ZNF566: variants seen among roughly 807,000 people sequenced by gnomAD.
ZNF566 encodes the protein zinc finger protein 566.
ZNF566 carries 27 observed loss-of-function variants against 32.8 expected under a neutral mutation model. The ratio of observed to expected loss-of-function variants is 0.82; its 90% confidence interval spans 0.61 to 1.14. The LOEUF (loss-of-function observed/expected upper bound fraction) is 1.14. ZNF566 is among the 50% of genes most tolerant of loss of function. ZNF566 has a pLI of 0.00. For missense variants in ZNF566, 402 were observed against 490.4 expected (o/e 0.82, Z 1.70); for synonymous variants, 154 against 159.5 (o/e 0.97, Z 0.26).
intron 1 of ZNF566, among the ~76,000 whole-genome samples, chr19:36,482,501 G>C (rs1348183592): frequency 1.3e-5 from 2 of 150,056 alleles, no homozygotes; most frequent in Non-Finnish European, 3.0e-5. Context: ...TAAGAAAAAT[G>C]TAAGAAAAAA....
At chr19:36,463,297 C>T (rs1205864345) in intron 4 of ZNF566, among the ~76,000 whole-genome samples, 1 of 152,020 alleles carries the variant, frequency 6.6e-6, no homozygotes, top group South Asian at 2.1e-4. Flanking sequence ...CTGTCTACAT[C>T]CTACGCAATA....
At chr19:36,461,990 GTTTTTTTT>G (rs34181356) in intron 4 of ZNF566, among the ~76,000 whole-genome samples, 14 of 138,652 alleles carry the variant, frequency 1.0e-4, no homozygotes, top group Non-Finnish European at 2.0e-4. Context: ...TGAACTTTGG[GTTTTTTTT>G]TTTTTTTGGA....
At position 36,449,036 on chromosome 19, in the gene ZNF566, A is replaced by T; in HGVS notation, c.1198T>A (p.Cys400Ser). The T allele has an allele frequency of 6.2e-7, 1 of 1,606,944 alleles. No homozygotes were observed. The highest frequency in any genetic ancestry group is 8.5e-7 in the Non-Finnish European group (1 of 1,178,132). Residue 400 changes from cysteine (C) to serine (S), a missense_variant, in exon 5 of 5, where the codon TGT becomes AGT. Transcript: ENST00000452939. Reference protein sequence around the residue: ...TSEKPYEYRECGKNFNYDPQL... With the variant: ...TSEKPYEYRESGKNFNYDPQL... ...GGGTCATAATTAAAGTTCTTTCCAC[A>T]TTCCCTATATTCATAGGGTTTCTCA...
intron 4 of ZNF566, among the ~76,000 whole-genome samples, chr19:36,460,559 G>A (rs1472845265): frequency 1.3e-5 from 2 of 152,160 alleles, no homozygotes; most frequent in East Asian, 3.8e-4. Flanking sequence ...CATAGCCTCT[G>A]GGAATGTAGA....
At chr19:36,477,416 T>C (rs1479379225) in intron 1 of ZNF566, among the ~76,000 whole-genome samples, 1 of 152,146 alleles carries the variant, frequency 6.6e-6, no homozygotes, top group Non-Finnish European at 1.5e-5. Context: ...GCATATGTCA[T>C]TTTACCTGTA....
chr19:36,484,168 CCAGA>C (rs1341082691), intron 1 of ZNF566, among the ~76,000 whole-genome samples: 13 of 152,310 alleles, frequency 8.5e-5, no homozygotes, highest in Middle Eastern at 3.4e-3. Flanking sequence ...GCCTCTGTGC[CCAGA>C]CAGTGTTTGC....
At position 36,477,526 on chromosome 19, in the gene ZNF566, G is replaced by T. The variant is rs1242824474; in HGVS notation, c.-59-910C>A. ...TGGGTCAAACCAGTTTTCTGTTTCT[G>T]TTTTTTTTTTGTTTGTTTGTTTGTT... is the stretch of plus-strand genomic sequence containing the variant. On this transcript the variant is annotated intron_variant, in intron 1 of 4. Coordinates refer to ENST00000452939, the MANE Select transcript of ZNF566 (RefSeq NM_001145344.1). Among the ~76,000 whole-genome samples the T allele has an allele frequency of 1.3e-3, 138 of 106,888 alleles. 2 individuals are homozygous for T. Among genetic ancestry groups the T allele is most frequent in the African/African-American group, 3.6e-3 (94 of 26,198 alleles). 70.1% of individuals were successfully genotyped at this position (106,888 alleles called of 152,430 possible). A position where few individuals can be genotyped will look rare whatever the true frequency, so the allele number is the denominator to read the frequency against.
intron 1 of ZNF566, 116 bp from the exon 2 acceptor site, chr19:36,476,732 G>T: frequency 1.3e-6 from 1 of 781,088 alleles, no homozygotes; most frequent in Non-Finnish European, 2.0e-6. Context: ...TCAGTGAGGA[G>T]AATGGGCAAA....
chr19:36,479,611 G>A (rs554736430), intron 1 of ZNF566, among the ~76,000 whole-genome samples: 3 of 152,272 alleles, frequency 2.0e-5, no homozygotes, highest in South Asian at 2.1e-4. Context: ...GAATATTGAT[G>A]TCAATTCTCC....
At chr19:36,457,649 T>C (rs2033350015) in intron 4 of ZNF566, among the ~76,000 whole-genome samples, 1 of 152,152 alleles carries the variant, frequency 6.6e-6, no homozygotes. Context: ...CCCAGCACTT[T>C]GGGAGGCCGA....
chr19:36,471,475 G>A (rs541101244), intron 4 of ZNF566, among the ~76,000 whole-genome samples: 1 of 152,040 alleles, frequency 6.6e-6, no homozygotes, highest in African/African-American at 2.4e-5. Flanking sequence ...GCCCTTGAAG[G>A]TCTGCATTCC....
chr19:36,489,410 C>A, intron 1 of ZNF566, 76 bp downstream of exon 1: 1 of 299,628 alleles, frequency 3.3e-6, no homozygotes, highest in Non-Finnish European at 6.5e-6. Context: ...CTTTCAATCT[C>A]ACCTCCACCG....
intron 4 of ZNF566, among the ~76,000 whole-genome samples, chr19:36,453,828 G>C (rs2033231483): frequency 6.6e-6 from 1 of 151,276 alleles, no homozygotes. Context: ...ACCACACCTG[G>C]TTAATCTTTT....
intron 1 of ZNF566, 54 bp downstream of exon 1, chr19:36,489,432 C>G (rs1290949214): frequency 6.6e-6 from 2 of 303,686 alleles, no homozygotes; most frequent in Non-Finnish European, 1.3e-5. Flanking sequence ...CGCACAAAGC[C>G]GAGGCTTGGC....
rs992405356 is a variant in ZNF566 at position 36,447,476 on chromosome 19, C to T, written c.*1501G>A. 6 of 152,070 alleles carry T rather than the reference C, an allele frequency of 3.9e-5. No individual in the cohort carries two copies. The highest frequency in any genetic ancestry group is 1.4e-4 in the African/African-American group (6 of 41,418). 9.4% of individuals were successfully genotyped at this position (152,070 alleles called of 1,614,324 possible). A position where few individuals can be genotyped will look rare whatever the true frequency, so the allele number is the denominator to read the frequency against. On this transcript the variant is annotated 3_prime_UTR_variant, in exon 5 of 5. Transcript: ENST00000452939. ...TGAAGAGTCCTAATTTTCTTGGAGT[C>T]AATATTGATGTATATTTTCCTTAAA...
intron 2 of ZNF566, among the ~76,000 whole-genome samples, chr19:36,475,082 A>G (rs758382158): frequency 1.3e-5 from 2 of 152,128 alleles, no homozygotes; most frequent in African/African-American, 2.4e-5. Context: ...ATCTTCCTCT[A>G]TCACCCAGGC....
chr19:36,457,146 A>G (rs1390789970), intron 4 of ZNF566, among the ~76,000 whole-genome samples: 9 of 152,228 alleles, frequency 5.9e-5, no homozygotes, highest in Non-Finnish European at 1.3e-4. Context: ...AAGAACACAC[A>G]ATGGGGAAAA....
intron 1 of ZNF566, among the ~76,000 whole-genome samples, chr19:36,478,498 A>C (rs1368422178): frequency 6.6e-6 from 1 of 151,904 alleles, no homozygotes; most frequent in Non-Finnish European, 1.5e-5. Flanking sequence ...CAACAGCTCC[A>C]TACCATGCTT....
chr19:36,448,975 C>T lies in ZNF566; in HGVS notation c.*2G>A, dbSNP rs1413602665. 1.3e-6 allele frequency: 2 copies of T among 1,567,252 alleles called. No homozygotes were observed. Among genetic ancestry groups the T allele is most frequent in the Admixed American group, 1.9e-5 (1 of 51,552 alleles). ...CCTACACATTTCATATATTCTGTTT[C>T]ATCACCAGTACAAATTTTGATGCTG... On this transcript the variant is annotated 3_prime_UTR_variant, in exon 5 of 5. Coordinates refer to ENST00000452939, the MANE Select transcript of ZNF566 (RefSeq NM_001145344.1).
Sources: gnomAD v4.1 joint callset for allele counts (sites outside exome capture counted in the v4.1 genomes callset) on GRCh38, gnomAD v4.1.1 for gene constraint, MANE v1.5 for transcripts, NCBI Gene and HGNC (gene_info 2026-07-23, HGNC 2026-07-21) for gene names.